Variants in CBL observed in about 807,000 individuals in gnomAD.
CBL encodes E3 ubiquitin-protein ligase CBL.
A neutral mutation model predicts 96.9 loss-of-function variants in CBL; 45 were observed. The ratio of observed to expected loss-of-function variants is 0.46; its 90% CI spans 0.37 to 0.60. The LOEUF (loss-of-function observed/expected upper bound fraction) is 0.60, where lower values mean the gene tolerates loss of function less well. Ranked by LOEUF, CBL falls within the 20% of genes least tolerant of loss-of-function variation. CBL has a pLI of 0.00. For synonymous variants in CBL, 420 were observed against 426.8 expected, an observed-to-expected ratio of 0.98 and a Z score of 0.20; for missense variants, 1,024 against 1,143.5, an observed-to-expected ratio of 0.90 and a Z score of 1.51.
At chr11:119,214,893 A>ATTTTTTTTTT (rs774184469) in intron 1 of CBL, among the ~76,000 whole-genome samples, 2 of 117,954 alleles carry the variant, frequency 1.7e-5, no homozygotes, top group African/African-American at 6.8e-5. Context: ...CTGGTAGGGA[A>ATTTTTTTTTT]TTTTTTTTTT....
In CBL at chr11:119,306,941, G is replaced by GAAA; in HGVS notation, c.*7171_*7173dup. ...AAAACAAAACAATTTTTAGCACACT[G>GAAA]AAAAAAAAAAAAAGCCAAATGTTTT... On this transcript the variant is annotated 3_prime_UTR_variant, in exon 16 of 16. Transcript: ENST00000264033. The GAAA allele has an allele frequency of 5.0e-6, 1 of 199,266 alleles. No individual in the cohort carries two copies. The highest frequency in any genetic ancestry group is 2.5e-5 in the African/African-American group (1 of 40,574). The allele number at this position is 199,266 out of a possible 1,614,324, so 12.3% of individuals were successfully genotyped here.
At chr11:119,223,041 G>C (rs1009404937) in intron 1 of CBL, among the ~76,000 whole-genome samples, 1 of 152,006 alleles carries the variant, frequency 6.6e-6, no homozygotes, top group Non-Finnish European at 1.5e-5. Context: ...TTATCCAGGT[G>C]TGGTGGCGTG....
At chr11:119,274,054 G>T in intron 4 of CBL, 30 bp downstream of exon 4, 3 of 1,546,154 alleles carry the variant, frequency 1.9e-6, no homozygotes, top group Non-Finnish European at 2.7e-6. Context: ...GACTAAACTG[G>T]TTACTGCTAC....
rs1950067743 is a variant in CBL, at chr11:119,296,955, T to C, written c.2074T>C (p.Cys692Arg). ...PVPKLPPGEQCEGEEDTEYMT... is the reference protein window; with the variant it reads ...PVPKLPPGEQREGEEDTEYMT... ...GCCAAAACTGCCACCTGGGGAGCAA[T>C]GTGAGGGTGAAGAGGACACAGAGTA... The change falls in exon 13 of 16, where the codon TGT becomes CGT. Residue 692 changes from cysteine (C) to arginine (R), a missense_variant. Transcript: ENST00000264033. 2 of 1,611,456 alleles carry C rather than the reference T, an allele frequency of 1.2e-6. No homozygotes were observed. Among genetic ancestry groups the C allele is most frequent in the Non-Finnish European group, 1.7e-6 (2 of 1,177,684 alleles).
chr11:119,288,476 C>G (rs547676120), intron 12 of CBL, among the ~76,000 whole-genome samples: 69 of 150,806 alleles, frequency 4.6e-4, no homozygotes, highest in Admixed American at 1.1e-3. Context: ...TTTGCACAGA[C>G]AGAGAGAGAG....
At chr11:119,222,143 G>C (rs775394974) in intron 1 of CBL, among the ~76,000 whole-genome samples, 1 of 146,412 alleles carries the variant, frequency 6.8e-6, no homozygotes, top group Non-Finnish European at 1.5e-5. Context: ...AGAAATGCTT[G>C]TATCAATAAG....
Position 119,232,436 on chromosome 11 carries a change from C to G in CBL, c.196-12C>G, listed in dbSNP as rs2135266089. ...TCTCCAAGTAATAGCCCTTCTTTTT[C>G]ATTTGTTGCAGGTGGTGCGGTTGTG... On this transcript the variant is annotated splice_polypyrimidine_tract_variant and intron_variant, in intron 1 of 15. Coordinates refer to ENST00000264033, the MANE Select transcript of CBL (RefSeq NM_005188.4). 2.4e-5 allele frequency: 39 copies of G among 1,612,802 alleles called. No homozygotes were observed. The highest frequency in any genetic ancestry group is 3.3e-5 in the Non-Finnish European group (39 of 1,179,898).
Position 119,285,340 on chromosome 11 carries a change from G to C in CBL, c.1715G>C (p.Cys572Ser). 6.2e-7 allele frequency: 1 copy of C among 1,614,168 alleles called. No homozygotes were observed. Among genetic ancestry groups the C allele is most frequent in the Non-Finnish European group, 8.5e-7 (1 of 1,180,030 alleles). Residue 572 changes from cysteine (C) to serine (S), a missense_variant, in exon 11 of 16, where the codon TGT (cysteine) becomes TCT (serine). By Grantham distance (112) the Cys-to-Ser change is moderately radical (BLOSUM62 -1). Coordinates refer to ENST00000264033, the MANE Select transcript of CBL (RefSeq NM_005188.4). ...RRPLPCTPGD[C>S]PSRDKLPPVP... ...CCCTTGCCTTGTACACCAGGCGACT[G>C]TCCCTCCAGAGACAAACTGCCCCCT... is the stretch of plus-strand genomic sequence containing the variant.
At position 119,304,029 on chromosome 11, in the gene CBL, C is replaced by T. The variant is rs1248551504; in HGVS notation, c.*4248C>T. 4.3e-6 allele frequency: 1 copy of T among 233,490 alleles called. No homozygotes were observed. The highest frequency in any genetic ancestry group is 8.5e-6 in the Non-Finnish European group (1 of 118,062). 14.5% of individuals were successfully genotyped at this position (233,490 alleles called of 1,614,324 possible). A position where few individuals can be genotyped will look rare whatever the true frequency, so the allele number is the denominator to read the frequency against. On this transcript the variant is annotated 3_prime_UTR_variant, in exon 16 of 16. Transcript: ENST00000264033. ...TCTTCGGGTCTCAGGACCCAAAGAT[C>T]CTTTAGTCAGTTGTTGGGTCTTCCA... is the stretch of plus-strand genomic sequence containing the variant.
chr11:119,282,195 A>G, intron 9 of CBL, among the ~76,000 whole-genome samples: 1 of 145,252 alleles, frequency 6.9e-6, no homozygotes, highest in East Asian at 1.9e-4. Flanking sequence ...AAAATTAGCC[A>G]GGCATGGTGG....
rs776804746 is a variant in CBL, at chr11:119,285,320, G to C, written c.1695G>C (p.Leu565Phe). 6.2e-7 allele frequency: 1 copy of C among 1,614,086 alleles called. No homozygotes were observed. Among genetic ancestry groups the C allele is most frequent in the Non-Finnish European group, 8.5e-7 (1 of 1,180,028 alleles). Residue 565 changes from leucine (L) to phenylalanine (F), a missense_variant, in exon 11 of 16, where the codon TTG becomes TTC. By Grantham distance (22) the Leu-to-Phe change is conservative. This residue lies in a region of CBL where 695 missense variants were observed against 661.6 expected (regional missense o/e 1.05). Coordinates refer to ENST00000264033, the MANE Select transcript of CBL (RefSeq NM_005188.4). ...GAESRPQRRPLPCTPGDCPSR... is the reference protein window; with the variant it reads ...GAESRPQRRPFPCTPGDCPSR... ...AATCCCGACCTCAAAGACGCCCCTT[G>C]CCTTGTACACCAGGCGACTGTCCCT...
At position 119,206,638 on chromosome 11, in the gene CBL, G is replaced by T. The variant is rs981477489; in HGVS notation, c.195+26G>T. 6.5e-6 allele frequency: 10 copies of T among 1,542,360 alleles called. No homozygotes were observed. The Admixed American group carries it at 1.4e-4, about 21-fold the overall frequency. ...GTGAAAGGCCGGCTGAGCGCCCGCT[G>T]TTGCAGGGTGGGCGTGGGCGGAGGG... On this transcript the variant is annotated intron_variant, in intron 1 of 15. Transcript: ENST00000264033.
At chr11:119,270,804 C>G (rs1326153434) in intron 2 of CBL, among the ~76,000 whole-genome samples, 1 of 151,136 alleles carries the variant, frequency 6.6e-6, no homozygotes, top group Non-Finnish European at 1.5e-5. Flanking sequence ...TGGTCTTGAA[C>G]TCCTGACTGC....
Position 119,299,678 on chromosome 11 carries a change from A to G in CBL, c.2618A>G (p.Asp873Gly). 1 of 1,614,202 alleles carries G rather than the reference A, an allele frequency of 6.2e-7. No homozygotes were observed. The highest frequency in any genetic ancestry group is 8.5e-7 in the Non-Finnish European group (1 of 1,180,032). Residue 873 changes from aspartate to glycine, a missense_variant, in exon 16 of 16, where the codon GAC becomes GGC. Physicochemically the swap from Asp to Gly is moderately conservative, Grantham distance 94 (BLOSUM62 -1). Around this residue, in one of 4 missense-constraint regions of CBL, gnomAD observed 695 missense variants for 661.6 expected, o/e 1.05. Coordinates refer to ENST00000264033, the MANE Select transcript of CBL (RefSeq NM_005188.4). ...NLMSQGYSYQ[D>G]IQKALVIAQN... Reference sequence around the variant, plus strand: ...ATGAGTCAGGGGTACTCCTACCAGGACATCCAGAAAGCTTTGGTCATTGCC... The same window carrying G: ...ATGAGTCAGGGGTACTCCTACCAGGGCATCCAGAAAGCTTTGGTCATTGCC...
rs1486469755 is a variant in CBL at position 119,299,662 on chromosome 11, G to A, written c.2602G>A (p.Gly868Arg). 1 of 1,614,000 alleles carries A rather than the reference G, an allele frequency of 6.2e-7. No individual in the cohort carries two copies. The highest frequency in any genetic ancestry group is 8.5e-7 in the Non-Finnish European group (1 of 1,180,026). ...TGAGATCGAGAACCTCATGAGTCAGGGGTACTCCTACCAGGACATCCAGAA... is the reference window on the plus strand; with the variant it reads ...TGAGATCGAGAACCTCATGAGTCAGAGGTACTCCTACCAGGACATCCAGAA... ...SSEIENLMSQ[G>R]YSYQDIQKAL... The change falls in exon 16 of 16, where the codon GGG becomes AGG. Residue 868 changes from glycine to arginine, a missense_variant. Physicochemically the swap from Gly to Arg is moderately radical, Grantham distance 125. This residue lies in a region of CBL where 695 missense variants were observed against 661.6 expected (regional missense o/e 1.05). Transcript: ENST00000264033.
intron 2 of CBL, among the ~76,000 whole-genome samples, chr11:119,250,732 C>G (rs1341236408): frequency 6.6e-6 from 1 of 152,158 alleles, no homozygotes; most frequent in Non-Finnish European, 1.5e-5. Context: ...GGGTGTATTC[C>G]TTGAGGCCAG....
intron 1 of CBL, among the ~76,000 whole-genome samples, chr11:119,221,628 C>T (rs887904244): frequency 5.3e-5 from 8 of 151,828 alleles, no homozygotes; most frequent in African/African-American, 1.7e-4. Flanking sequence ...ATTAGCCAGG[C>T]GTGGTGGCGC....
chr11:119,249,329 G>A (rs1949654124), intron 2 of CBL, among the ~76,000 whole-genome samples: 1 of 152,154 alleles, frequency 6.6e-6, no homozygotes, highest in African/African-American at 2.4e-5. Flanking sequence ...GCCAAGCAGG[G>A]CAGAACACTT....
At chr11:119,287,168 C>T (rs1949990569) in intron 11 of CBL, among the ~76,000 whole-genome samples, 1 of 152,150 alleles carries the variant, frequency 6.6e-6, no homozygotes, top group African/African-American at 2.4e-5. Flanking sequence ...AGTGGGCAGC[C>T]AGATGATTAG....
Sources: allele counts gnomAD v4.1 joint callset (sites outside exome capture counted in the v4.1 genomes callset), GRCh38; gene constraint gnomAD v4.1.1; regional missense constraint gnomAD v4.1.1; transcripts MANE v1.5; gene names NCBI Gene and HGNC (gene_info 2026-07-23, HGNC 2026-07-21).